Variants in MAST1 observed in about 807,000 individuals in gnomAD.
MAST1 encodes the protein microtubule associated serine/threonine kinase 1.
In MAST1, 40 loss-of-function variants were observed where a neutral mutation model predicts 124.6. The ratio of observed to expected loss-of-function variants is 0.32; its 90% CI spans 0.25 to 0.42. MAST1 has a LOEUF of 0.42. MAST1 is among the 10% of genes least tolerant of loss of function. MAST1 has a pLI of 1.00. For synonymous variants in MAST1, 938 were observed against 939.4 expected, an observed-to-expected ratio of 1.00 and a Z score of 0.03; for missense variants, 1,558 against 2,181.9, an observed-to-expected ratio of 0.71 and a Z score of 5.70.
intron 10 of MAST1, among the ~76,000 whole-genome samples, chr19:12,855,161 G>A (rs1419939731): frequency 6.6e-6 from 1 of 152,036 alleles, no homozygotes; most frequent in African/African-American, 2.4e-5. Flanking sequence ...TGGAACCAGG[G>A]AGACAAAGAT....
At chr19:12,840,754 A>G (rs1223599642) in intron 2 of MAST1, among the ~76,000 whole-genome samples, 1 of 152,032 alleles carries the variant, frequency 6.6e-6, no homozygotes, top group Non-Finnish European at 1.5e-5. Context: ...GGTGGGACGG[A>G]CAGAAAGGAG....
chr19:12,856,740 T>C (rs190928956), intron 10 of MAST1, among the ~76,000 whole-genome samples: 69 of 152,354 alleles, frequency 4.5e-4, no homozygotes, highest in Admixed American at 9.2e-4. Flanking sequence ...CAATGTTTCT[T>C]TATCTAACTA....
chr19:12,867,650 G>A lies in MAST1; in HGVS notation c.2316G>A (p.Glu772=). 6.3e-7 allele frequency: 1 copy of A among 1,590,982 alleles called. No homozygotes were observed. The highest frequency in any genetic ancestry group is 8.6e-7 in the Non-Finnish European group (1 of 1,169,300). The part of the protein sequence containing the change: ...REKTWRGGSP[E]IKRFSASEAS... ...AGACCTGGAGAGGGGGCTCTCCGGA[G>A]ATGTGAGCAGGGGAATGGCGGAGTT... Residue 772 remains glutamate, a splice_region_variant and synonymous_variant, in exon 19 of 26, where the codon GAG becomes GAA. Transcript: ENST00000251472.
At chr19:12,840,384 G>A (rs1969810804) in intron 1 of MAST1, 62 bp from the exon 2 acceptor site, 2 of 1,038,578 alleles carry the variant, frequency 1.9e-6, no homozygotes, top group African/African-American at 3.1e-5. Context: ...GTCAGCTGGT[G>A]GGGCTCAAGA....
At chr19:12,864,660 G>A (rs753151717) in intron 12 of MAST1, 149 bp from the exon 13 acceptor site, 11 of 970,510 alleles carry the variant, frequency 1.1e-5, no homozygotes, top group Non-Finnish European at 1.5e-5. Flanking sequence ...ACCCAGTAGA[G>A]GACCTGGAGG....
chr19:12,869,065 G>C lies in MAST1; in HGVS notation c.2774-1G>C. 6.2e-7 allele frequency: 1 copy of C among 1,612,434 alleles called. No individual in the cohort carries two copies. Reference sequence around the variant, plus strand: ...TTCTGACCATGGTTGTGTGTCTGTAGTGGACCCACATGGAAGTTCACCCCT... The same window carrying C: ...TTCTGACCATGGTTGTGTGTCTGTACTGGACCCACATGGAAGTTCACCCCT... On this transcript the variant is annotated splice_acceptor_variant, in intron 21 of 25. Transcript: ENST00000251472. LOFTEE classifies it high-confidence loss of function.
chr19:12,851,809 G>A, intron 7 of MAST1, 125 bp from the exon 8 acceptor site: 1 of 693,684 alleles, frequency 1.4e-6, no homozygotes, highest in South Asian at 1.9e-5. Context: ...TGTGTGGCTT[G>A]GGCTTCAGTC....
chr19:12,869,466 ACT>A (rs1317368374), intron 22 of MAST1, among the ~76,000 whole-genome samples, 171 bp downstream of exon 22: 1 of 151,964 alleles, frequency 6.6e-6, no homozygotes, highest in Non-Finnish European at 1.5e-5. Flanking sequence ...GCGGAGACTC[ACT>A]GTGTCGCCAG....
chr19:12,867,173 G>A lies in MAST1; in HGVS notation c.2140-301G>A, dbSNP rs368419400. Among the ~76,000 whole-genome samples the A allele has an allele frequency of 7.9e-5, 12 of 152,224 alleles. No individual in the cohort carries two copies. The East Asian group carries it at 1.3e-3, about 17-fold the overall frequency. The stretch of plus-strand genomic sequence containing the variant: ...TTTGAGAAGCAACTTGTAGAGGCGT[G>A]CAGGGCCTAGCCTGGGCTAAGGAGA... On this transcript the variant is annotated intron_variant, in intron 18 of 25. Coordinates refer to ENST00000251472, the MANE Select transcript of MAST1 (RefSeq NM_014975.3).
At position 12,841,130 on chromosome 19, in the gene MAST1, C is replaced by T; in HGVS notation, c.248+64C>T. 1.2e-6 allele frequency: 1 copy of T among 812,538 alleles called. No homozygotes were observed. The highest frequency in any genetic ancestry group is 2.2e-6 in the Non-Finnish European group (1 of 464,904). 50.3% of individuals were successfully genotyped at this position (812,538 alleles called of 1,614,324 possible). A position where few individuals can be genotyped will look rare whatever the true frequency, so the allele number is the denominator to read the frequency against. On this transcript the variant is annotated intron_variant, in intron 3 of 25. Transcript: ENST00000251472. The surrounding 1 kb of genome is among the most constrained non-coding windows in gnomAD (Gnocchi z 4.3). ...GACCCTCCCCAACCACTGTCTGGGC[C>T]GCCATCTGTTCTCCTCCTAATTGCA...
rs1969855473 is a variant in MAST1, at chr19:12,843,445, C to T, written c.249-84C>T. On this transcript the variant is annotated intron_variant, in intron 3 of 25. Transcript: ENST00000251472. This position sits in a 1 kb window ranked among gnomAD's most constrained non-coding sequence, Gnocchi z 4.9. ...TATTCCCCCAACCCCCACCCTGGCC[C>T]TGGCCAGTGGCTTCACCCACACCCT... 1 of 1,054,608 alleles carries T rather than the reference C, an allele frequency of 9.5e-7. No individual in the cohort carries two copies. The highest frequency in any genetic ancestry group is 1.3e-5 in the South Asian group (1 of 75,174). 65.3% of individuals were successfully genotyped at this position (1,054,608 alleles called of 1,614,324 possible).
chr19:12,863,988 G>A (rs1282124958), intron 12 of MAST1, among the ~76,000 whole-genome samples: 9 of 150,262 alleles, frequency 6.0e-5, no homozygotes, highest in South Asian at 2.1e-4. Context: ...GCAGTGGTGC[G>A]ATCTTGGATC....
chr19:12,850,809 C>T (rs1167224574), intron 7 of MAST1, among the ~76,000 whole-genome samples: 4 of 152,262 alleles, frequency 2.6e-5, no homozygotes, highest in Non-Finnish European at 4.4e-5. Context: ...AGCAATCCTC[C>T]TGCCTCAGCC....
Position 12,874,644 on chromosome 19 carries a change from C to T in MAST1, c.4487C>T (p.Ser1496Phe). The change falls in exon 26 of 26, where the codon TCC (serine) becomes TTC (phenylalanine). Residue 1496 changes from serine (S) to phenylalanine (F), a missense_variant. By Grantham distance (155) the Ser-to-Phe change is radical. Transcript: ENST00000251472. The surrounding 1 kb of genome is among the most constrained non-coding windows in gnomAD (Gnocchi z 6.6). Reference sequence around the variant, plus strand: ...CGCACCACGCTGAGCGGTCCTCGCTCCAAGCCCGCCTCCCCAAAGCTCTCC... The same window carrying T: ...CGCACCACGCTGAGCGGTCCTCGCTTCAAGCCCGCCTCCCCAAAGCTCTCC... ...EERTTLSGPRSKPASPKLSPE... is the reference protein window; with the variant it reads ...EERTTLSGPRFKPASPKLSPE... 1 of 1,527,142 alleles carries T rather than the reference C, an allele frequency of 6.5e-7. No homozygotes were observed. Among genetic ancestry groups the T allele is most frequent in the Non-Finnish European group, 8.8e-7 (1 of 1,135,042 alleles). 94.6% of individuals were successfully genotyped at this position (1,527,142 alleles called of 1,614,324 possible).
chr19:12,845,429 A>AAAAAAAAAAAAAAG, intron 4 of MAST1, among the ~76,000 whole-genome samples: 1 of 148,742 alleles, frequency 6.7e-6, no homozygotes, highest in South Asian at 2.1e-4. Context: ...AAAAAAAAAA[A>AAAAAAAAAAAAAAG]AAAAATTAGC....
chr19:12,856,773 A>G (rs897270892), intron 10 of MAST1, among the ~76,000 whole-genome samples: 1 of 152,204 alleles, frequency 6.6e-6, no homozygotes, highest in African/African-American at 2.4e-5. Flanking sequence ...TTGTTTGGCT[A>G]ATTTAACGTA....
intron 7 of MAST1, among the ~76,000 whole-genome samples, chr19:12,851,290 GTCTC>G (rs201261537): frequency 2.0e-5 from 3 of 147,718 alleles, no homozygotes; most frequent in Non-Finnish European, 4.5e-5. Context: ...TTGAGACAGG[GTCTC>G]TCTCTCTGTC....
At chr19:12,846,708 C>G (rs1969898123) in intron 4 of MAST1, among the ~76,000 whole-genome samples, 1 of 151,892 alleles carries the variant, frequency 6.6e-6, no homozygotes, top group African/African-American at 2.4e-5. Flanking sequence ...AAAACACTGT[C>G]TCTACTAAAA....
At chr19:12,856,940 T>A (rs531030882) in intron 10 of MAST1, among the ~76,000 whole-genome samples, 1 of 152,336 alleles carries the variant, frequency 6.6e-6, no homozygotes, top group East Asian at 1.9e-4. Context: ...TAATTTACAC[T>A]CCCAACAGCA....
Sources: allele counts gnomAD v4.1 joint callset (sites outside exome capture counted in the v4.1 genomes callset), GRCh38; gene constraint gnomAD v4.1.1; non-coding constraint Gnocchi (gnomAD v3.1); transcripts MANE v1.5; gene names NCBI Gene and HGNC (gene_info 2026-07-23, HGNC 2026-07-21).